Variants in ASB5 observed in about 807,000 individuals in gnomAD.
ASB5 encodes the protein ankyrin repeat and SOCS box containing 5, also known as ankyrin repeat and SOCS box protein 5.
A neutral mutation model predicts 42.1 loss-of-function variants in ASB5; 45 were observed. The ratio of observed to expected loss-of-function variants is 1.07; its 90% confidence interval spans 0.84 to 1.37. The LOEUF (loss-of-function observed/expected upper bound fraction) is 1.37, where lower values mean the gene tolerates loss of function less well. ASB5 is among the 40% of genes most tolerant of loss of function. The pLI is 0.00. For synonymous variants in ASB5, 147 were observed against 150.6 expected (o/e 0.98, Z 0.18); for missense variants, 402 against 399.8 (o/e 1.01, Z -0.05).
chr4:176,235,392 AAC>A (rs1316886959), intron 1 of ASB5, among the ~76,000 whole-genome samples: 1 of 152,142 alleles, frequency 6.6e-6, no homozygotes, highest in African/African-American at 2.4e-5. Context: ...TTTTTCTAGA[AAC>A]ACACATTTTT....
intron 1 of ASB5, chr4:176,241,690 G>A: frequency 7.7e-7 from 1 of 1,305,398 alleles, no homozygotes; most frequent in Non-Finnish European, 9.7e-7. Flanking sequence ...GGCAGATGAG[G>A]TCTGAGAGTA....
At chr4:176,234,871 G>C (rs567256006) in intron 1 of ASB5, among the ~76,000 whole-genome samples, 1 of 152,248 alleles carries the variant, frequency 6.6e-6, no homozygotes, top group East Asian at 1.9e-4. Flanking sequence ...GTTGTTCTAA[G>C]GGTTACATGG....
intron 1 of ASB5, among the ~76,000 whole-genome samples, chr4:176,233,499 A>G (rs191917153): frequency 1.3e-5 from 2 of 152,222 alleles, no homozygotes; most frequent in South Asian, 2.1e-4. Flanking sequence ...TCATTTCTCT[A>G]TTGGTTTAAA....
chr4:176,217,926 C>T (rs1260973277), intron 5 of ASB5, among the ~76,000 whole-genome samples: 2 of 151,728 alleles, frequency 1.3e-5, no homozygotes, highest in African/African-American at 4.8e-5. Context: ...CCCTTTATGG[C>T]CCTTCTGCTC....
intron 1 of ASB5, among the ~76,000 whole-genome samples, chr4:176,251,217 T>A (rs1431407752): frequency 6.7e-6 from 1 of 149,244 alleles, no homozygotes; most frequent in East Asian, 2.0e-4. Flanking sequence ...TGGGACGTTT[T>A]ATGTTGATAC....
Position 176,266,937 on chromosome 4 carries a change from C to T in ASB5, c.196+1976G>A, listed in dbSNP as rs554361536. The stretch of plus-strand genomic sequence containing the variant: ...ACCATTGCATATATTCCCATGATTT[C>T]CCAGCATAAGCACACTAAGATAAGT... On this transcript the variant is annotated intron_variant, in intron 1 of 6. Transcript: ENST00000296525. 1.8e-4 allele frequency among the ~76,000 whole-genome samples: 27 copies of T among 152,214 alleles called. No homozygotes were observed. In the East Asian group the frequency reaches 4.1e-3, roughly 23 times the overall value.
chr4:176,274,771 C>T (rs1413835668), intron 2 of ASB5, among the ~76,000 whole-genome samples: 1 of 152,138 alleles, frequency 6.6e-6, no homozygotes, highest in Non-Finnish European at 1.5e-5. Flanking sequence ...CTAACCATCT[C>T]ATTTTAACTA....
At chr4:176,276,858 G>A (rs748184209) in intron 1 of ASB5, among the ~76,000 whole-genome samples, 15 of 152,132 alleles carry the variant, frequency 9.9e-5, no homozygotes, top group Non-Finnish European at 1.6e-4. Context: ...AAAGTACACG[G>A]CCACCTTAAA....
At chr4:176,254,217 T>C (rs972072244) in intron 1 of ASB5, among the ~76,000 whole-genome samples, 1 of 151,924 alleles carries the variant, frequency 6.6e-6, no homozygotes, top group African/African-American at 2.4e-5. Context: ...CAAAAACAAA[T>C]ACATAGACCA....
intron 1 of ASB5, among the ~76,000 whole-genome samples, chr4:176,235,564 GTATT>G (rs755631748): frequency 6.6e-6 from 1 of 152,074 alleles, no homozygotes; most frequent in Non-Finnish European, 1.5e-5. Flanking sequence ...CATTATGTGT[GTATT>G]TATTTATTTA....
At chr4:176,237,301 G>C in intron 1 of ASB5, 1 of 985,844 alleles carries the variant, frequency 1.0e-6, no homozygotes, top group Non-Finnish European at 1.2e-6. Context: ...AACCTTGACT[G>C]GTCAGAATAC....
rs1010178941 is a variant in ASB5, at chr4:176,215,513, T to C, written c.*87A>G. The C allele has an allele frequency of 2.9e-6, 4 of 1,387,006 alleles. No individual in the cohort carries two copies. The African/African-American group carries it at 4.4e-5, about 15-fold the overall frequency. The allele number at this position is 1,387,006 out of a possible 1,614,324, so 85.9% of individuals were successfully genotyped here. ...TGATCTCACACTCACTTTTATCCTA[T>C]CTTTAGCATATTTTTATATGAACTA... On this transcript the variant is annotated 3_prime_UTR_variant, in exon 7 of 7. Coordinates refer to ENST00000296525, the MANE Select transcript of ASB5 (RefSeq NM_080874.4).
chr4:176,273,220 C>CTAA (rs1436592022), upstream of ASB5, among the ~76,000 whole-genome samples: 1 of 152,080 alleles, frequency 6.6e-6, no homozygotes, highest in Admixed American at 6.6e-5. Flanking sequence ...AGCAAGGTTG[C>CTAA]TAATGTTCAG....
At chr4:176,235,700 T>C (rs1040536889) in intron 1 of ASB5, among the ~76,000 whole-genome samples, 1 of 152,158 alleles carries the variant, frequency 6.6e-6, no homozygotes, top group Admixed American at 6.5e-5. Context: ...TACCATCAAA[T>C]TACCTCCAGC....
chr4:176,237,411 C>G, intron 1 of ASB5: 1 of 985,838 alleles, frequency 1.0e-6, no homozygotes, highest in South Asian at 4.7e-5. Context: ...GCAATATCTG[C>G]GGACATAGTT....
chr4:176,258,401 G>A (rs1228275771), intron 1 of ASB5, among the ~76,000 whole-genome samples: 2 of 152,044 alleles, frequency 1.3e-5, no homozygotes, highest in East Asian at 3.9e-4. Flanking sequence ...CTTTTTTTAA[G>A]GTCTTTTATT....
At chr4:176,236,591 T>C (rs896230830) in intron 1 of ASB5, among the ~76,000 whole-genome samples, 1 of 152,234 alleles carries the variant, frequency 6.6e-6, no homozygotes, top group Non-Finnish European at 1.5e-5. Context: ...TTTGAAAATA[T>C]GCTTTGTATG....
At position 176,214,387 on chromosome 4, in the gene ASB5, G is replaced by T. The variant is rs1426051813; in HGVS notation, c.*1213C>A. On this transcript the variant is annotated 3_prime_UTR_variant, in exon 7 of 7. Transcript: ENST00000296525. Reference sequence around the variant, plus strand: ...TTATCTTATTTCTAAAATCATAATAGGCCCTGAATTACAAAACAGGCATAA... The same window carrying T: ...TTATCTTATTTCTAAAATCATAATATGCCCTGAATTACAAAACAGGCATAA... The T allele has an allele frequency of 6.6e-6, 1 of 151,954 alleles. No homozygotes were observed. The highest frequency in any genetic ancestry group is 2.4e-5 in the African/African-American group (1 of 41,324). The allele number at this position is 151,954 out of a possible 1,614,324, so 9.4% of individuals were successfully genotyped here.
Position 176,269,096 on chromosome 4 carries a change from C to A in ASB5, c.13G>T (p.Glu5Ter), listed in dbSNP as rs760810982. The change falls in exon 1 of 7, where the codon GAA (glutamate) becomes TAA (stop). Residue 5 changes from glutamate to a stop codon, truncating the protein, a stop_gained. Coordinates refer to ENST00000296525, the MANE Select transcript of ASB5 (RefSeq NM_080874.4). LOFTEE classifies it high-confidence loss of function. MSVL[E>*]ENRPFAQQLS... is the part of the protein sequence containing the mutation. ...TGTTGAGCAAACGGCCGATTTTCTTCTAACACCGACATTGCTGCAGAAGAA... is the reference window on the plus strand; with the variant it reads ...TGTTGAGCAAACGGCCGATTTTCTTATAACACCGACATTGCTGCAGAAGAA... 6.2e-7 allele frequency: 1 copy of A among 1,610,062 alleles called. No individual in the cohort carries two copies. The highest frequency in any genetic ancestry group is 8.5e-7 in the Non-Finnish European group (1 of 1,177,712).
Sources: gnomAD v4.1 joint callset for allele counts (sites outside exome capture counted in the v4.1 genomes callset) on GRCh38, gnomAD v4.1.1 for gene constraint, MANE v1.5 for transcripts, NCBI Gene and HGNC (gene_info 2026-07-23, HGNC 2026-07-21) for gene names.